Variants in NALF1 observed in about 807,000 individuals in gnomAD.
The protein encoded by NALF1 is NALCN channel auxiliary factor 1.
A neutral mutation model predicts 48.4 loss-of-function variants in NALF1; 3 were observed. The observed-to-expected ratio is 0.06, with a 90% CI of 0.03 to 0.16. NALF1 has a LOEUF of 0.16. Among genes scored for constraint, NALF1 ranks in the 10% least tolerant of loss-of-function variants. NALF1 has a pLI of 1.00. For missense variants in NALF1, 526 were observed against 571.5 expected, an observed-to-expected ratio of 0.92 and a Z score of 0.81; for synonymous variants, 262 against 245.7, an observed-to-expected ratio of 1.07 and a Z score of -0.62.
rs992109370 is a variant in NALF1, at chr13:107,164,004, A to G, written c.*6493T>C. On this transcript the variant is annotated 3_prime_UTR_variant, in exon 3 of 3. Coordinates refer to ENST00000375915, the MANE Select transcript of NALF1 (RefSeq NM_001080396.3). ...TTATCCATTTTGCAGTGAAATGGTCAGTAGAAAATGGCCATAAGTTGAAAT... is the reference window on the plus strand; with the variant it reads ...TTATCCATTTTGCAGTGAAATGGTCGGTAGAAAATGGCCATAAGTTGAAAT... The G allele has an allele frequency of 6.6e-6, 1 of 152,250 alleles. No homozygotes were observed. The highest frequency in any genetic ancestry group is 1.5e-5 in the Non-Finnish European group (1 of 68,040). The allele number at this position is 152,250 out of a possible 1,614,324, so 9.4% of individuals were successfully genotyped here.
intron 1 of NALF1, among the ~76,000 whole-genome samples, chr13:107,549,314 TA>T (rs1214525864): frequency 6.6e-6 from 1 of 152,144 alleles, no homozygotes; most frequent in Non-Finnish European, 1.5e-5. Context: ...GTGGAAGAAA[TA>T]TAGAGCTACT....
In NALF1 at chr13:107,579,949, A is replaced by G. The variant is rs529609015; in HGVS notation, c.915+285733T>C. On this transcript the variant is annotated intron_variant, in intron 1 of 2. Coordinates refer to ENST00000375915, the MANE Select transcript of NALF1 (RefSeq NM_001080396.3). ...TGACCCAGCCATCCCATTACTGGGT[A>G]TATACCCAAAGGACTATAAATCATG... Among the ~76,000 whole-genome samples, 3 of 152,080 alleles carry G rather than the reference A, an allele frequency of 2.0e-5. No individual in the cohort carries two copies. The South Asian group carries it at 6.2e-4, about 32-fold the overall frequency.
intron 1 of NALF1, among the ~76,000 whole-genome samples, chr13:107,701,754 CTA>C (rs1881826456): frequency 1.3e-5 from 2 of 152,092 alleles, no homozygotes; most frequent in Admixed American, 6.6e-5. Context: ...AAAAAAGTAA[CTA>C]TGTGAGATGA....
chr13:107,472,108 G>C (rs781237980), intron 1 of NALF1, among the ~76,000 whole-genome samples: 10 of 152,112 alleles, frequency 6.6e-5, no homozygotes, highest in Non-Finnish European at 1.5e-4. Context: ...GAGGCAGGCA[G>C]ATCACTGGTC....
chr13:107,464,065 C>A (rs533503558), intron 1 of NALF1, among the ~76,000 whole-genome samples: 1 of 152,092 alleles, frequency 6.6e-6, no homozygotes, highest in East Asian at 1.9e-4. Flanking sequence ...TCCAATCCAC[C>A]TGCCTGACCC....
intron 2 of NALF1, among the ~76,000 whole-genome samples, chr13:107,199,980 G>C (rs1879477092): frequency 6.7e-6 from 1 of 149,768 alleles, no homozygotes; most frequent in African/African-American, 2.5e-5. Context: ...GGACGGAGTT[G>C]CTACTCACTA....
At chr13:107,846,029 C>CA (rs139915736) in intron 1 of NALF1, among the ~76,000 whole-genome samples, 2,844 of 152,142 alleles carry the variant, frequency 0.019, 96 homozygotes, top group African/African-American at 0.065. Flanking sequence ...CTGAAATGTA[C>CA]AAATCTATCT....
chr13:107,564,874 T>C (rs974418398), intron 1 of NALF1, among the ~76,000 whole-genome samples: 7 of 151,938 alleles, frequency 4.6e-5, no homozygotes, highest in South Asian at 2.1e-4. Flanking sequence ...TCAGCCCAAA[T>C]TCCCCCATAC....
intron 1 of NALF1, among the ~76,000 whole-genome samples, chr13:107,720,862 G>T (rs116979261): frequency 9.9e-5 from 15 of 152,236 alleles, no homozygotes; most frequent in Admixed American, 3.9e-4. Flanking sequence ...TACGCCAAAG[G>T]TTGCATATAT....
chr13:107,403,491 C>G (rs1259599419), intron 1 of NALF1, among the ~76,000 whole-genome samples: 1 of 151,700 alleles, frequency 6.6e-6, no homozygotes, highest in Non-Finnish European at 1.5e-5. Flanking sequence ...TTCCATTACT[C>G]TGTTTATTTG....
At chr13:107,171,019 T>G (rs1878792952) in intron 2 of NALF1, among the ~76,000 whole-genome samples, 1 of 152,214 alleles carries the variant, frequency 6.6e-6, no homozygotes, top group South Asian at 2.1e-4. Context: ...ACCATGAAAG[T>G]TCTGGGTTGT....
intron 1 of NALF1, among the ~76,000 whole-genome samples, chr13:107,604,888 G>C (rs904884896): frequency 1.2e-4 from 18 of 152,230 alleles, no homozygotes; most frequent in Admixed American, 3.9e-4. Context: ...TAATACTACA[G>C]GTAATAATTG....
intron 1 of NALF1, among the ~76,000 whole-genome samples, chr13:107,750,253 C>T (rs751490083): frequency 6.6e-6 from 1 of 152,154 alleles, no homozygotes; most frequent in Non-Finnish European, 1.5e-5. Context: ...GCCAGCTCCA[C>T]ACAGGGCATC....
chr13:107,464,531 T>C (rs1296091031), intron 1 of NALF1, among the ~76,000 whole-genome samples: 1 of 152,156 alleles, frequency 6.6e-6, no homozygotes, highest in Non-Finnish European at 1.5e-5. Flanking sequence ...TTTTTTAATT[T>C]TTTTTTGAGA....
chr13:107,600,212 G>A (rs541053266), intron 1 of NALF1, among the ~76,000 whole-genome samples: 1 of 152,300 alleles, frequency 6.6e-6, no homozygotes, highest in African/African-American at 2.4e-5. Context: ...AGACAGCAAT[G>A]CAGCAATAAA....
At chr13:107,179,670 CT>C (rs1879021362) in intron 2 of NALF1, among the ~76,000 whole-genome samples, 1 of 96,450 alleles carries the variant, frequency 1.0e-5, no homozygotes, top group African/African-American at 4.1e-5. Context: ...GTTTTGAAAA[CT>C]AAAAAAAAAA....
chr13:107,499,102 T>G (rs1473953365), intron 1 of NALF1, among the ~76,000 whole-genome samples: 1 of 151,984 alleles, frequency 6.6e-6, no homozygotes, highest in Non-Finnish European at 1.5e-5. Context: ...GAAGCAAAAC[T>G]GAGATGTCTG....
At chr13:107,202,686 G>A (rs985643202) in intron 2 of NALF1, among the ~76,000 whole-genome samples, 6 of 152,102 alleles carry the variant, frequency 3.9e-5, no homozygotes, top group Admixed American at 6.5e-5. Flanking sequence ...TTAATGTGAC[G>A]TGTGATGTTG....
In NALF1 at chr13:107,786,766, G is replaced by A. The variant is rs532131538; in HGVS notation, c.915+78916C>T. ...AAAGAGAGAGAGAGAAAGAGAGAGA[G>A]AATATATGCCTGACCTCAGGCTCTT... is the stretch of plus-strand genomic sequence containing the variant. On this transcript the variant is annotated intron_variant, in intron 1 of 2. Transcript: ENST00000375915. 4.1e-4 allele frequency among the ~76,000 whole-genome samples: 63 copies of A among 152,144 alleles called. No individual in the cohort carries two copies. In the South Asian group the frequency reaches 4.6e-3, roughly 11 times the overall value.
Sources: gnomAD v4.1 joint callset for allele counts (sites outside exome capture counted in the v4.1 genomes callset) on GRCh38, gnomAD v4.1.1 for gene constraint, MANE v1.5 for transcripts, NCBI Gene and HGNC (gene_info 2026-07-23, HGNC 2026-07-21) for gene names.